The following MAGI1 variants were observed in gnomAD, a reference collection of about 807,000 sequenced individuals.
The protein encoded by MAGI1 is membrane-associated guanylate kinase, WW and PDZ domain-containing protein 1.
In MAGI1, 58 loss-of-function variants were observed where a neutral mutation model predicts 139.9. The ratio of observed to expected loss-of-function variants is 0.41; its 90% confidence interval spans 0.34 to 0.52. The LOEUF (loss-of-function observed/expected upper bound fraction) is 0.52. Ranked by LOEUF, MAGI1 falls within the 20% of genes least tolerant of loss-of-function variation. The pLI is 0.12. For missense variants in MAGI1, 1,874 were observed against 1,901.6 expected (o/e 0.99, Z 0.27); for synonymous variants, 812 against 737.9 (o/e 1.10, Z -1.63).
At chr3:65,629,138 C>T (rs867405990) in intron 1 of MAGI1, among the ~76,000 whole-genome samples, 3 of 151,992 alleles carry the variant, frequency 2.0e-5, no homozygotes, top group Non-Finnish European at 2.9e-5. Context: ...GATGAGGGGA[C>T]CCTGCTTGGA....
At chr3:65,724,152 T>A (rs2107700608) in intron 1 of MAGI1, among the ~76,000 whole-genome samples, 1 of 152,374 alleles carries the variant, frequency 6.6e-6, no homozygotes, top group Admixed American at 6.5e-5. Context: ...CAAGGCTTTA[T>A]AAAAGCACAT....
chr3:65,682,509 A>C (rs1297682532), intron 1 of MAGI1, among the ~76,000 whole-genome samples: 1 of 152,228 alleles, frequency 6.6e-6, no homozygotes, highest in Non-Finnish European at 1.5e-5. Flanking sequence ...GTGGCCATTC[A>C]CAGGCCAAGA....
At chr3:65,575,470 A>T (rs988781921) in intron 2 of MAGI1, among the ~76,000 whole-genome samples, 1 of 152,134 alleles carries the variant, frequency 6.6e-6, no homozygotes, top group African/African-American at 2.4e-5. Flanking sequence ...AGGTTAAGAG[A>T]TTTCTTAAAA....
chr3:65,542,506 A>G (rs1167236405), intron 2 of MAGI1, among the ~76,000 whole-genome samples: 1 of 152,216 alleles, frequency 6.6e-6, no homozygotes, highest in African/African-American at 2.4e-5. Flanking sequence ...TTCAAACTAT[A>G]CTACAAGGCT....
chr3:65,715,039 G>A (rs1471529844), intron 1 of MAGI1, among the ~76,000 whole-genome samples: 1 of 152,066 alleles, frequency 6.6e-6, no homozygotes, highest in East Asian at 1.9e-4. Flanking sequence ...GAGATGGTGG[G>A]GGGTGGGATG....
chr3:65,786,353 C>T (rs1487219060), intron 1 of MAGI1, among the ~76,000 whole-genome samples: 1 of 149,892 alleles, frequency 6.7e-6, no homozygotes, highest in Non-Finnish European at 1.5e-5. Context: ...GTCACCCAGG[C>T]TGGCATGCAA....
At chr3:65,569,898 A>T (rs1053802118) in intron 2 of MAGI1, among the ~76,000 whole-genome samples, 12 of 151,746 alleles carry the variant, frequency 7.9e-5, no homozygotes, top group Admixed American at 4.0e-4. Flanking sequence ...AGTTTCAAGA[A>T]TATTTATCTG....
At position 65,524,678 on chromosome 3, in the gene MAGI1, T is replaced by C. The variant is rs150523592; in HGVS notation, c.431-31047A>G. On this transcript the variant is annotated intron_variant, in intron 2 of 22. Coordinates refer to ENST00000402939, the MANE Select transcript of MAGI1 (RefSeq NM_001033057.2). ...GTGAGTCTGAAAATAGTGAAGGGCA[T>C]TGAAGTTATGTAGACTCTACTGCAG... Among the ~76,000 whole-genome samples the C allele has an allele frequency of 1.6e-4, 24 of 152,280 alleles. No homozygotes were observed. In the East Asian group the frequency reaches 4.1e-3, roughly 26 times the overall value.
At chr3:65,774,266 T>TA (rs2038193653) in intron 1 of MAGI1, among the ~76,000 whole-genome samples, 1 of 152,206 alleles carries the variant, frequency 6.6e-6, no homozygotes, top group African/African-American at 2.4e-5. Flanking sequence ...AAATGGTAGT[T>TA]ATCATCTTTG....
intron 1 of MAGI1, among the ~76,000 whole-genome samples, chr3:65,964,843 A>G (rs1273612614): frequency 6.6e-6 from 1 of 152,094 alleles, no homozygotes. Flanking sequence ...TTAGGAAGCC[A>G]CCCCCAAGTC....
intron 1 of MAGI1, among the ~76,000 whole-genome samples, chr3:65,838,583 G>T (rs182790433): frequency 3.3e-5 from 5 of 152,170 alleles, no homozygotes; most frequent in Admixed American, 6.5e-5. Flanking sequence ...CCTCTTTATT[G>T]TTGAACAGTA....
intron 1 of MAGI1, among the ~76,000 whole-genome samples, chr3:65,862,946 C>T (rs1258954811): frequency 6.6e-6 from 1 of 152,224 alleles, no homozygotes; most frequent in African/African-American, 2.4e-5. Flanking sequence ...CCACTATCTA[C>T]AGAATGAAAC....
At chr3:65,829,516 C>T (rs1004487974) in intron 1 of MAGI1, among the ~76,000 whole-genome samples, 9 of 152,142 alleles carry the variant, frequency 5.9e-5, no homozygotes, top group Non-Finnish European at 5.9e-5. Flanking sequence ...GAAGACCTCC[C>T]CAGACATCAT....
intron 1 of MAGI1, among the ~76,000 whole-genome samples, chr3:65,943,480 C>T (rs534836785): frequency 8.6e-4 from 130 of 151,710 alleles, no homozygotes; most frequent in Non-Finnish European, 1.4e-3. Flanking sequence ...GAGGCTGAGG[C>T]AGGAGAATCG....
chr3:65,503,861 G>A (rs938192387), intron 2 of MAGI1, among the ~76,000 whole-genome samples: 3 of 152,118 alleles, frequency 2.0e-5, no homozygotes, highest in African/African-American at 4.8e-5. Context: ...GAAGTTTTGA[G>A]TGCCAAATCC....
At chr3:65,615,768 TC>T (rs2083337155) in intron 2 of MAGI1, among the ~76,000 whole-genome samples, 1 of 152,162 alleles carries the variant, frequency 6.6e-6, no homozygotes, top group Admixed American at 6.5e-5. Context: ...TGTTATCTAA[TC>T]CCATGATTTT....
chr3:65,483,393 T>C (rs1466182158), intron 3 of MAGI1, among the ~76,000 whole-genome samples: 1 of 152,206 alleles, frequency 6.6e-6, no homozygotes, highest in Non-Finnish European at 1.5e-5. Flanking sequence ...CAGAAAGTAT[T>C]CCACCTTTGC....
At chr3:65,824,919 C>A (rs980896520) in intron 1 of MAGI1, among the ~76,000 whole-genome samples, 1 of 152,136 alleles carries the variant, frequency 6.6e-6, no homozygotes, top group African/African-American at 2.4e-5. Flanking sequence ...TGTAAGAGTA[C>A]ATGGATACTA....
At chr3:65,927,969 G>C (rs900502743) in intron 1 of MAGI1, among the ~76,000 whole-genome samples, 4 of 152,274 alleles carry the variant, frequency 2.6e-5, no homozygotes, top group South Asian at 4.1e-4. Context: ...TGAGGAATAT[G>C]ATCACCCTAC....
Sources: allele counts gnomAD v4.1 joint callset (sites outside exome capture counted in the v4.1 genomes callset), GRCh38; gene constraint gnomAD v4.1.1; transcripts MANE v1.5; gene names NCBI Gene and HGNC (gene_info 2026-07-23, HGNC 2026-07-21).